PPP2R2B: variants seen among roughly 807,000 people sequenced by gnomAD.
PPP2R2B encodes serine/threonine-protein phosphatase 2A 55 kDa regulatory subunit B beta isoform.
Under a neutral mutation model 46.0 loss-of-function variants are expected in PPP2R2B, and 5 were observed. The observed-to-expected ratio is 0.11, with a 90% CI of 0.06 to 0.23. The LOEUF (loss-of-function observed/expected upper bound fraction) is 0.23, where lower values mean the gene tolerates loss of function less well. PPP2R2B is among the 10% of genes least tolerant of loss of function. The probability of loss-of-function intolerance (pLI) is 1.00; values close to 1 mark genes in which losing one functional copy is unlikely to be tolerated. For missense variants in PPP2R2B, 367 were observed against 575.0 expected, an observed-to-expected ratio of 0.64 and a Z score of 3.70; for synonymous variants, 215 against 206.7, an observed-to-expected ratio of 1.04 and a Z score of -0.34.
intron 2 of PPP2R2B, among the ~76,000 whole-genome samples, chr5:146,842,336 C>A (rs1054211471): frequency 6.6e-6 from 1 of 151,806 alleles, no homozygotes; most frequent in Non-Finnish European, 1.5e-5. Context: ...CCCACCCCCA[C>A]ACATCCCCAA....
chr5:146,939,769 T>G (rs1030294767), intron 1 of PPP2R2B, among the ~76,000 whole-genome samples: 1 of 152,210 alleles, frequency 6.6e-6, no homozygotes, highest in Middle Eastern at 3.2e-3. Context: ...TGACATTTTT[T>G]TCAAGGTAGC....
intron 4 of PPP2R2B, among the ~76,000 whole-genome samples, chr5:146,696,677 TTA>T (rs1779200260): frequency 6.6e-6 from 1 of 152,194 alleles, no homozygotes; most frequent in Admixed American, 6.5e-5. Flanking sequence ...ATAAATATAG[TTA>T]TGAGAAAGAA....
exon 2 of PPP2R2B, chr5:147,081,120 G>C (rs573516957): frequency 4.9e-5 from 75 of 1,535,584 alleles, no homozygotes; most frequent in Non-Finnish European, 6.3e-5. Flanking sequence ...GTGTGTCCTG[G>C]GTGAGTGTCC....
At chr5:146,591,602 C>T (rs1770664079) in intron 9 of PPP2R2B, among the ~76,000 whole-genome samples, 1 of 150,270 alleles carries the variant, frequency 6.7e-6, no homozygotes, top group Admixed American at 6.6e-5. Context: ...GGCCTCACTG[C>T]TTCCCATACT....
At chr5:147,027,643 A>AAAC (rs1755593525) in intron 1 of PPP2R2B, among the ~76,000 whole-genome samples, 1 of 151,702 alleles carries the variant, frequency 6.6e-6, no homozygotes, top group Non-Finnish European at 1.5e-5. Flanking sequence ...TCAAAAAAAA[A>AAAC]AAAAAAAATT....
chr5:146,987,027 A>T lies in PPP2R2B; in HGVS notation c.79+68638T>A, dbSNP rs1324757463. On this transcript the variant is annotated intron_variant, in intron 1 of 8. Coordinates refer to the PPP2R2B transcript ENST00000336640. ...CAGCAAGAGAAAAGAAGAAAACAAC[A>T]GATAAAGGAGCTCCAATATGTCTGG... 2.6e-5 allele frequency among the ~76,000 whole-genome samples: 4 copies of T among 152,300 alleles called. No individual in the cohort carries two copies. In the East Asian group the frequency reaches 5.8e-4, roughly 22 times the overall value.
chr5:147,014,466 G>A (rs1754898343), intron 1 of PPP2R2B, among the ~76,000 whole-genome samples: 1 of 151,996 alleles, frequency 6.6e-6, no homozygotes, highest in African/African-American at 2.4e-5. Flanking sequence ...TTTCACAATA[G>A]CAAAGACTTG....
intron 2 of PPP2R2B, among the ~76,000 whole-genome samples, chr5:146,851,899 A>C (rs575896824): frequency 9.2e-5 from 14 of 152,198 alleles, no homozygotes; most frequent in African/African-American, 3.1e-4. Context: ...GAGAAGTTGT[A>C]AATTTTTCAG....
At chr5:146,949,486 TATA>T (rs1764587033) in intron 1 of PPP2R2B, among the ~76,000 whole-genome samples, 1 of 151,938 alleles carries the variant, frequency 6.6e-6, no homozygotes, top group African/African-American at 2.4e-5. Flanking sequence ...AAAAACCAGT[TATA>T]ATGGTTTTTA....
intron 2 of PPP2R2B, among the ~76,000 whole-genome samples, chr5:147,063,447 A>G (rs1757329140): frequency 6.6e-6 from 1 of 152,222 alleles, no homozygotes; most frequent in Non-Finnish European, 1.5e-5. Flanking sequence ...TGCACTTATT[A>G]GCTCTCATTT....
At chr5:146,659,295 A>G (rs1179864514) in intron 5 of PPP2R2B, among the ~76,000 whole-genome samples, 1 of 152,240 alleles carries the variant, frequency 6.6e-6, no homozygotes, top group African/African-American at 2.4e-5. Flanking sequence ...TAACATTACA[A>G]TGGAAATGCT....
chr5:146,842,159 G>T (rs1217421093), intron 2 of PPP2R2B, among the ~76,000 whole-genome samples: 1 of 152,066 alleles, frequency 6.6e-6, no homozygotes, highest in African/African-American at 2.4e-5. Flanking sequence ...GTGTACATTT[G>T]TTCACTCCAA....
chr5:146,593,338 A>G (rs1770846365), intron 8 of PPP2R2B, among the ~76,000 whole-genome samples: 1 of 152,188 alleles, frequency 6.6e-6, no homozygotes, highest in Non-Finnish European at 1.5e-5. Flanking sequence ...CTCATTTTCT[A>G]AGCTGATTTG....
chr5:147,075,694 C>T (rs897489703), intron 2 of PPP2R2B, among the ~76,000 whole-genome samples: 1 of 152,134 alleles, frequency 6.6e-6, no homozygotes, highest in East Asian at 1.9e-4. Context: ...TTGTTCAAAG[C>T]TAAAACCTGA....
At chr5:146,723,556 C>T (rs933921405) in intron 2 of PPP2R2B, among the ~76,000 whole-genome samples, 13 of 152,192 alleles carry the variant, frequency 8.5e-5, no homozygotes, top group Admixed American at 8.5e-4. Flanking sequence ...GAATAATGCT[C>T]GTTATTGTGA....
chr5:146,845,902 C>A (rs1028767062), intron 2 of PPP2R2B, among the ~76,000 whole-genome samples: 2 of 152,124 alleles, frequency 1.3e-5, no homozygotes, highest in Non-Finnish European at 2.9e-5. Flanking sequence ...AACACAGTAG[C>A]CACTAACCAC....
At chr5:146,742,290 C>G (rs542593217) in intron 2 of PPP2R2B, among the ~76,000 whole-genome samples, 2 of 152,098 alleles carry the variant, frequency 1.3e-5, no homozygotes, top group African/African-American at 2.4e-5. Context: ...GGACTCCACA[C>G]CAACTGCCTC....
intron 1 of PPP2R2B, among the ~76,000 whole-genome samples, chr5:146,996,981 GA>G (rs766373518): frequency 2.0e-5 from 3 of 152,102 alleles, no homozygotes; most frequent in Non-Finnish European, 4.4e-5. Context: ...ATGACTTTGG[GA>G]AGAATCACTT....
chr5:146,718,925 G>A (rs1245777932), intron 2 of PPP2R2B, among the ~76,000 whole-genome samples: 1 of 152,210 alleles, frequency 6.6e-6, no homozygotes, highest in Non-Finnish European at 1.5e-5. Context: ...AGTGAAGGCT[G>A]CCTGAGTGAC....
Sources: allele counts gnomAD v4.1 joint callset (sites outside exome capture counted in the v4.1 genomes callset), GRCh38; gene constraint gnomAD v4.1.1; transcripts MANE v1.5; gene names NCBI Gene and HGNC (gene_info 2026-07-23, HGNC 2026-07-21).